DLGAP2: variants seen among roughly 807,000 people sequenced by gnomAD.
DLGAP2 encodes DLG associated protein 2.
DLGAP2 carries 26 observed loss-of-function variants against 100.3 expected under a neutral mutation model. That is an observed-to-expected ratio of 0.26 (90% CI 0.19 to 0.36). The LOEUF (loss-of-function observed/expected upper bound fraction) is 0.36, where lower values mean the gene tolerates loss of function less well. DLGAP2 is among the 10% of genes least tolerant of loss of function. The pLI is 1.00. For missense variants in DLGAP2, 1,858 were observed against 1,453.2 expected (o/e 1.28, Z -4.53); for synonymous variants, 886 against 630.1 (o/e 1.41, Z -6.08).
chr8:1,445,247 C>T (rs374960544), intron 3 of DLGAP2, among the ~76,000 whole-genome samples: 2 of 97,860 alleles, frequency 2.0e-5, no homozygotes, highest in Non-Finnish European at 3.8e-5. Context: ...CCTCCCCCCA[C>T]CCCACAACAG....
At chr8:1,641,140 G>T (rs1320933262) in intron 8 of DLGAP2, among the ~76,000 whole-genome samples, 1 of 152,098 alleles carries the variant, frequency 6.6e-6, no homozygotes, top group Non-Finnish European at 1.5e-5. Context: ...TCCCAGTAAG[G>T]GTTTCCAAAG....
intron 3 of DLGAP2, among the ~76,000 whole-genome samples, chr8:1,416,586 G>GA (rs1385991742): frequency 2.6e-5 from 4 of 152,112 alleles, no homozygotes; most frequent in African/African-American, 9.7e-5. Flanking sequence ...CCCCTTCTTT[G>GA]AAAACTTACC....
intron 2 of DLGAP2, chr8:1,137,294 C>T (rs1214480999): frequency 6.6e-6 from 1 of 152,648 alleles, no homozygotes; most frequent in Non-Finnish European, 1.5e-5. Flanking sequence ...ATTGTTTCTT[C>T]CTAGGCCGTC....
intron 2 of DLGAP2, among the ~76,000 whole-genome samples, chr8:966,871 C>G (rs1210821906): frequency 6.6e-6 from 1 of 152,200 alleles, no homozygotes; most frequent in East Asian, 1.9e-4. Context: ...AAATATACTT[C>G]TTTTTCTCAC....
At chr8:1,621,786 T>C (rs983213628) in intron 6 of DLGAP2, 5 of 152,112 alleles carry the variant, frequency 3.3e-5, no homozygotes, top group African/African-American at 1.2e-4. Flanking sequence ...TCCGAGCCTC[T>C]GCGGTCAAGG....
intron 2 of DLGAP2, among the ~76,000 whole-genome samples, chr8:1,190,946 A>G (rs2116729027): frequency 6.6e-6 from 1 of 152,228 alleles, no homozygotes; most frequent in East Asian, 1.9e-4. Context: ...ATGGTGCGAC[A>G]TCCCCAGCAG....
At chr8:1,005,131 C>G (rs1801069452) in intron 2 of DLGAP2, among the ~76,000 whole-genome samples, 1 of 152,178 alleles carries the variant, frequency 6.6e-6, no homozygotes, top group Admixed American at 6.5e-5. Context: ...AAAGTAGTGT[C>G]ACTGGTGCAT....
chr8:1,505,314 AG>A (rs776295493), intron 4 of DLGAP2, among the ~76,000 whole-genome samples: 32 of 152,246 alleles, frequency 2.1e-4, no homozygotes, highest in Non-Finnish European at 3.1e-4. Flanking sequence ...GACATTTTAC[AG>A]CACAGTATAG....
chr8:839,723 G>A (rs1378967504), intron 1 of DLGAP2, among the ~76,000 whole-genome samples: 1 of 152,180 alleles, frequency 6.6e-6, no homozygotes, highest in African/African-American at 2.4e-5. Flanking sequence ...CCCCTGTCCT[G>A]ATGCTCATGA....
chr8:824,591 G>T (rs1170385447), intron 1 of DLGAP2, among the ~76,000 whole-genome samples: 5 of 151,616 alleles, frequency 3.3e-5, no homozygotes, highest in African/African-American at 9.7e-5. Context: ...CCTGGCCCCA[G>T]TCCTGGCTCC....
chr8:1,114,066 T>G (rs192569545), intron 2 of DLGAP2, among the ~76,000 whole-genome samples: 354 of 152,326 alleles, frequency 2.3e-3, no homozygotes, highest in African/African-American at 8.2e-3. Flanking sequence ...TGTGGTGGAT[T>G]AGCTTTTTGA....
intron 4 of DLGAP2, among the ~76,000 whole-genome samples, chr8:1,526,655 C>T (rs1240274145): frequency 2.0e-5 from 3 of 152,206 alleles, no homozygotes. Context: ...TTTCACTCTG[C>T]CATCCTTATT....
intron 6 of DLGAP2, among the ~76,000 whole-genome samples, chr8:1,595,673 C>CCA (rs1796433273): frequency 1.0e-5 from 1 of 98,526 alleles, no homozygotes; most frequent in Non-Finnish European, 2.1e-5. Context: ...GACTCCGTCT[C>CCA]AAAAAAAAAA....
intron 5 of DLGAP2, among the ~76,000 whole-genome samples, chr8:1,556,917 C>T (rs906681822): frequency 2.6e-5 from 4 of 152,166 alleles, no homozygotes; most frequent in Admixed American, 2.6e-4. Flanking sequence ...GCCATGCACC[C>T]AGCATTTCTC....
At chr8:793,485 C>T (rs1273458314) in intron 1 of DLGAP2, among the ~76,000 whole-genome samples, 4 of 152,190 alleles carry the variant, frequency 2.6e-5, no homozygotes, top group Non-Finnish European at 4.4e-5. Context: ...GCTTGGCTTC[C>T]CCGCACCACG....
chr8:1,058,052 G>T (rs1199961693), intron 2 of DLGAP2, among the ~76,000 whole-genome samples: 1 of 152,176 alleles, frequency 6.6e-6, no homozygotes, highest in Non-Finnish European at 1.5e-5. Context: ...TAACAGTTTT[G>T]AGAAGAAAAG....
chr8:803,197 G>T (rs536012439), intron 1 of DLGAP2, among the ~76,000 whole-genome samples: 1 of 152,254 alleles, frequency 6.6e-6, no homozygotes, highest in South Asian at 2.1e-4. Flanking sequence ...GTCAGGGTCA[G>T]CTTGAGTGCC....
At chr8:1,372,560 C>A (rs972471844) in intron 3 of DLGAP2, among the ~76,000 whole-genome samples, 3 of 152,144 alleles carry the variant, frequency 2.0e-5, no homozygotes, top group African/African-American at 7.2e-5. Flanking sequence ...AGGAGCATCA[C>A]TGGCTGCTGC....
intron 12 of DLGAP2, among the ~76,000 whole-genome samples, chr8:1,689,608 T>C (rs558220317): frequency 6.6e-5 from 10 of 151,122 alleles, no homozygotes; most frequent in African/African-American, 2.2e-4. Flanking sequence ...TGTAGGTTAG[T>C]GATTTGTGCT....
Sources: gnomAD v4.1 joint callset for allele counts (sites outside exome capture counted in the v4.1 genomes callset) on GRCh38, gnomAD v4.1.1 for gene constraint, MANE v1.5 for transcripts, NCBI Gene and HGNC (gene_info 2026-07-23, HGNC 2026-07-21) for gene names.